DHRSX: variants seen among roughly 807,000 people sequenced by gnomAD.
DHRSX encodes polyprenol dehydrogenase.
A neutral mutation model predicts 34.0 loss-of-function variants in DHRSX; 31 were observed. The observed-to-expected ratio is 0.91, with a 90% CI of 0.69 to 1.23. The LOEUF (loss-of-function observed/expected upper bound fraction) is 1.23, where lower values mean the gene tolerates loss of function less well. Among genes scored for constraint, DHRSX ranks in the 50% most tolerant of loss-of-function variants. The pLI is 0.00. For missense variants in DHRSX, 414 were observed against 428.1 expected (o/e 0.97, Z 0.29); for synonymous variants, 201 against 183.8 (o/e 1.09, Z -0.76).
At chrX:2,401,400 C>T (rs1447305398) in intron 3 of DHRSX, among the ~76,000 whole-genome samples, 6 of 152,158 alleles carry the variant, frequency 3.9e-5, no homozygotes, top group Non-Finnish European at 7.4e-5. Context: ...CGTGAGCCAT[C>T]GTGCCTAGCC....
At chrX:2,371,413 G>GACCC (rs879264179) in intron 3 of DHRSX, among the ~76,000 whole-genome samples, 3 of 146,622 alleles carry the variant, frequency 2.0e-5, no homozygotes, top group Non-Finnish European at 3.0e-5. Context: ...CATTACCATA[G>GACCC]TCCCTCCTTC....
At chrX:2,384,926 A>C in intron 3 of DHRSX, among the ~76,000 whole-genome samples, 2 of 146,928 alleles carry the variant, frequency 1.4e-5, no homozygotes, top group Admixed American at 1.3e-4. Flanking sequence ...AAAATAAATA[A>C]ATTTAAAAAA....
intron 3 of DHRSX, among the ~76,000 whole-genome samples, chrX:2,293,518 T>C (rs992838189): frequency 4.6e-5 from 7 of 151,974 alleles, no homozygotes; most frequent in African/African-American, 1.7e-4. Flanking sequence ...GTGGAAGGTA[T>C]TGGGGGACAC....
chrX:2,426,173 G>C (rs1205535754), intron 1 of DHRSX, among the ~76,000 whole-genome samples: 3 of 152,164 alleles, frequency 2.0e-5, no homozygotes, highest in Non-Finnish European at 4.4e-5. Context: ...GGCCATGAAA[G>C]TCATGCATCA....
intron 1 of DHRSX, among the ~76,000 whole-genome samples, chrX:2,464,800 C>G (rs749910522): frequency 2.0e-5 from 3 of 151,332 alleles, no homozygotes; most frequent in East Asian, 3.9e-4. Context: ...CTGACATGTA[C>G]ACACTGAAGA....
intron 1 of DHRSX, among the ~76,000 whole-genome samples, chrX:2,431,033 A>G (rs191598742): frequency 5.4e-4 from 81 of 150,308 alleles, no homozygotes; most frequent in Non-Finnish European, 9.8e-4. Context: ...AAAACAAAAC[A>G]AAAAAAAGAC....
At chrX:2,358,464 G>C (rs977980134) in intron 3 of DHRSX, among the ~76,000 whole-genome samples, 3 of 152,060 alleles carry the variant, frequency 2.0e-5, no homozygotes, top group Non-Finnish European at 4.4e-5. Context: ...TTGGGAGGCC[G>C]AGGCGGGTGG....
At chrX:2,435,533 G>A (rs1353101042) in intron 1 of DHRSX, among the ~76,000 whole-genome samples, 1 of 151,776 alleles carries the variant, frequency 6.6e-6, no homozygotes, top group Non-Finnish European at 1.5e-5. Context: ...GGAGGTCAGG[G>A]TGAGACAATC....
Position 2,247,704 on chromosome X carries a change from C to T in DHRSX, c.597-4474G>A, listed in dbSNP as rs781633988. ...TAGATACCCTCTATATTCATGTATT[C>T]ATTTTTTCATAAAATAAATGAACAA... On this transcript the variant is annotated intron_variant, in intron 5 of 6. Coordinates refer to ENST00000334651, the MANE Select transcript of DHRSX (RefSeq NM_145177.3). Among the ~76,000 whole-genome samples the T allele has an allele frequency of 5.3e-5, 8 of 149,984 alleles. No homozygotes were observed. The South Asian group carries it at 1.5e-3, about 28-fold the overall frequency.
At chrX:2,486,076 TCCGGATCCATCCA>T (rs1310757510) in intron 1 of DHRSX, among the ~76,000 whole-genome samples, 3 of 151,896 alleles carry the variant, frequency 2.0e-5, no homozygotes, top group Non-Finnish European at 1.5e-5. Context: ...GCTGATGCCA[TCCGGATCCATCCA>T]GGCTGCCTCG....
At chrX:2,382,212 C>G (rs1298935688) in intron 3 of DHRSX, among the ~76,000 whole-genome samples, 6 of 152,116 alleles carry the variant, frequency 3.9e-5, no homozygotes, top group Non-Finnish European at 8.8e-5. Context: ...AGGGAGCTGA[C>G]AGCAGAATCC....
chrX:2,282,435 A>C (rs1358015164), intron 4 of DHRSX, among the ~76,000 whole-genome samples: 1 of 147,618 alleles, frequency 6.8e-6, no homozygotes, highest in African/African-American at 2.5e-5. Context: ...AAGGCAAAGG[A>C]GAGAGGAGGA....
intron 1 of DHRSX, chrX:2,489,201 T>C (rs2045050234): frequency 2.5e-6 from 4 of 1,613,782 alleles, no homozygotes; most frequent in Non-Finnish European, 1.7e-6. Flanking sequence ...TCTTTGACCT[T>C]GTCCAGCAGG....
intron 1 of DHRSX, among the ~76,000 whole-genome samples, chrX:2,478,511 G>A (rs1414140135): frequency 6.6e-6 from 1 of 150,704 alleles, no homozygotes; most frequent in Admixed American, 6.6e-5. Context: ...CACTAAAGAT[G>A]TTCTCTAAGC....
At chrX:2,369,718 G>A (rs992800079) in intron 3 of DHRSX, among the ~76,000 whole-genome samples, 2 of 152,032 alleles carry the variant, frequency 1.3e-5, no homozygotes, top group Non-Finnish European at 2.9e-5. Flanking sequence ...TGGCCAGGCT[G>A]GTCTCGAACA....
intron 1 of DHRSX, among the ~76,000 whole-genome samples, chrX:2,430,589 T>C (rs762796708): frequency 6.6e-6 from 1 of 152,190 alleles, no homozygotes; most frequent in Admixed American, 6.5e-5. Context: ...TCTTCACAGG[T>C]GTGAGGCACC....
chrX:2,317,764 G>A (rs1172426191), intron 3 of DHRSX, among the ~76,000 whole-genome samples: 1 of 152,152 alleles, frequency 6.6e-6, no homozygotes, highest in East Asian at 1.9e-4. Context: ...TTCATTTCAT[G>A]CACAGTAAAT....
chrX:2,243,802 T>TGTTTTGG (rs1260215028), intron 5 of DHRSX, among the ~76,000 whole-genome samples: 10 of 99,940 alleles, frequency 1.0e-4, no homozygotes, highest in Non-Finnish European at 1.4e-4. Context: ...TTTTTTTTTT[T>TGTTTTGG]TTTTTTTTTT....
At chrX:2,350,318 T>C (rs2042774826) in intron 3 of DHRSX, among the ~76,000 whole-genome samples, 1 of 152,176 alleles carries the variant, frequency 6.6e-6, no homozygotes, top group Non-Finnish European at 1.5e-5. Flanking sequence ...GCCACTGCAC[T>C]GCAGCCTGGG....
Sources: gnomAD v4.1 joint callset for allele counts (sites outside exome capture counted in the v4.1 genomes callset) on GRCh38, gnomAD v4.1.1 for gene constraint, MANE v1.5 for transcripts, NCBI Gene and HGNC (gene_info 2026-07-23, HGNC 2026-07-21) for gene names.